The following PRSS23 variants were observed in gnomAD, a reference collection of about 807,000 sequenced individuals.
PRSS23 encodes the protein serine protease 23, also known as protease, serine 23.
PRSS23 carries 25 observed loss-of-function variants against 34.7 expected under a neutral mutation model. The observed-to-expected ratio is 0.72, with a 90% CI of 0.53 to 1.01. PRSS23 has a LOEUF of 1.01. Among genes scored for constraint, PRSS23 ranks in the 50% least tolerant of loss-of-function variants. The pLI is 0.00. For missense variants in PRSS23, 445 were observed against 475.6 expected (o/e 0.94, Z 0.60); for synonymous variants, 176 against 186.6 (o/e 0.94, Z 0.46).
chr11:86,823,397 A>G (rs1948268309), exon 2 of PRSS23: 1 of 702,246 alleles, frequency 1.4e-6, no homozygotes, highest in Non-Finnish European at 2.6e-6. Context: ...AATGAGTAGA[A>G]TGAGACCTGT....
At chr11:86,928,697 A>AT (rs59782177) in intron 2 of PRSS23, among the ~76,000 whole-genome samples, 690 of 47,272 alleles carry the variant, frequency 0.015, 83 homozygotes, top group East Asian at 0.08. Context: ...AAAAAAAAAA[A>AT]AAAAAAAAAT....
intron 2 of PRSS23, among the ~76,000 whole-genome samples, chr11:86,929,395 T>C (rs1483186176): frequency 2.0e-5 from 3 of 149,966 alleles, no homozygotes; most frequent in Admixed American, 6.6e-5. Context: ...ATAATCCTAG[T>C]ACTTTGGGAA....
chr11:86,913,404 T>G (rs1948991222), intron 2 of PRSS23, among the ~76,000 whole-genome samples: 1 of 151,066 alleles, frequency 6.6e-6, no homozygotes, highest in Non-Finnish European at 1.5e-5. Context: ...ATTGGTGTTT[T>G]TTTTTTTTTC....
intron 2 of PRSS23, among the ~76,000 whole-genome samples, chr11:86,831,721 A>G (rs1358658483): frequency 1.3e-5 from 2 of 151,706 alleles, no homozygotes; most frequent in Admixed American, 6.6e-5. Flanking sequence ...ATAATATCCT[A>G]AAGGTATGTT....
At chr11:86,930,899 C>T (rs746521354) in intron 2 of PRSS23, among the ~76,000 whole-genome samples, 1 of 152,036 alleles carries the variant, frequency 6.6e-6, no homozygotes, top group Admixed American at 6.6e-5. Flanking sequence ...CCAGTATGGC[C>T]AGAACACAGA....
At chr11:86,904,809 A>T (rs1433464958) in intron 2 of PRSS23, among the ~76,000 whole-genome samples, 13 of 151,848 alleles carry the variant, frequency 8.6e-5, no homozygotes, top group Admixed American at 8.5e-4. Context: ...GAATCTTGGG[A>T]GTCTGAGGCA....
chr11:86,907,660 G>A (rs11819799), intron 2 of PRSS23, among the ~76,000 whole-genome samples: 49,811 of 151,856 alleles, frequency 0.33, 8,762 homozygotes, highest in Non-Finnish European at 0.4. Context: ...GAGTCCCTCT[G>A]TGTTGCCCAG....
intron 2 of PRSS23, among the ~76,000 whole-genome samples, chr11:86,840,551 C>T (rs554264250): frequency 3.3e-5 from 5 of 152,272 alleles, no homozygotes; most frequent in African/African-American, 9.6e-5. Context: ...GACAGATCAA[C>T]AAGACAGAAG....
At chr11:86,793,245 A>G (rs920715802) in intron 1 of PRSS23, among the ~76,000 whole-genome samples, 1 of 152,258 alleles carries the variant, frequency 6.6e-6, no homozygotes, top group African/African-American at 2.4e-5. Flanking sequence ...AAATGGTAAT[A>G]TCCATATTTA....
At chr11:86,864,546 T>C (rs1427699816) in intron 2 of PRSS23, among the ~76,000 whole-genome samples, 1 of 152,234 alleles carries the variant, frequency 6.6e-6, no homozygotes, top group Non-Finnish European at 1.5e-5. Flanking sequence ...ATGGTGGCTC[T>C]TGCCCAGCAG....
At chr11:86,917,924 C>T (rs1443594630) in intron 2 of PRSS23, among the ~76,000 whole-genome samples, 2 of 152,206 alleles carry the variant, frequency 1.3e-5, no homozygotes, top group Non-Finnish European at 2.9e-5. Context: ...ACAAAAAATT[C>T]ACTGTGTAGT....
Position 86,808,726 on chromosome 11 carries a change from C to T in PRSS23, c.1083C>T (p.Ile361=). The T allele has an allele frequency of 1.2e-6, 2 of 1,614,168 alleles. No homozygotes were observed. The highest frequency in any genetic ancestry group is 1.7e-5 in the Admixed American group (1 of 60,024). The change falls in exon 2 of 2, where the codon ATC becomes ATT. Residue 361 remains isoleucine, a synonymous_variant. Coordinates refer to ENST00000280258, the MANE Select transcript of PRSS23 (RefSeq NM_007173.6). The part of the protein sequence containing the change: ...SPQDFNVAVR[I]TPLKYAQICY... ...AGGATTTCAACGTGGCTGTCAGAAT[C>T]ACTCCTCTCAAATATGCCCAGATTT... is the stretch of plus-strand genomic sequence containing the variant.
chr11:86,891,491 A>G (rs1005386122), intron 2 of PRSS23, among the ~76,000 whole-genome samples: 3 of 152,154 alleles, frequency 2.0e-5, no homozygotes, highest in African/African-American at 7.2e-5. Context: ...GAGCACAGCT[A>G]TCCTGGATTC....
Position 86,807,759 on chromosome 11 carries a change from T to C in PRSS23, c.116T>C (p.Val39Ala). 6.2e-7 allele frequency: 1 copy of C among 1,614,108 alleles called. No individual in the cohort carries two copies. Among genetic ancestry groups the C allele is most frequent in the Non-Finnish European group, 8.5e-7 (1 of 1,180,002 alleles). The change falls in exon 2 of 2, where the codon GTC becomes GCC. Residue 39 changes from valine (V) to alanine (A), a missense_variant. Transcript: ENST00000280258. ...KPTWPAYRLP[V>A]VLPQSTLNLA... Reference sequence around the variant, plus strand: ...ACTTGGCCTGCATACCGCCTCCCTGTCGTCTTGCCCCAGTCTACCCTCAAT... The same window carrying C: ...ACTTGGCCTGCATACCGCCTCCCTGCCGTCTTGCCCCAGTCTACCCTCAAT...
rs1228407810 is a variant in PRSS23, at chr11:86,855,755, C to T, written c.206+32162C>T. Reference sequence around the variant, plus strand: ...GCCTCAAGTGATCCGTCTGATCTGGCCTCCCAAAGTGCTGGGATAACAGAC... The same window carrying T: ...GCCTCAAGTGATCCGTCTGATCTGGTCTCCCAAAGTGCTGGGATAACAGAC... On this transcript the variant is annotated intron_variant, in intron 2 of 2. Transcript: ENST00000533902. 6.6e-5 allele frequency among the ~76,000 whole-genome samples: 10 copies of T among 152,344 alleles called. No individual in the cohort carries two copies. The East Asian group carries it at 1.7e-3, about 26-fold the overall frequency.
chr11:86,845,517 C>T (rs891780991), intron 2 of PRSS23, among the ~76,000 whole-genome samples: 4 of 152,182 alleles, frequency 2.6e-5, no homozygotes, highest in African/African-American at 4.8e-5. Flanking sequence ...GAAATCAACT[C>T]ATATGACAGT....
chr11:86,829,620 T>C (rs1341315052), intron 2 of PRSS23, among the ~76,000 whole-genome samples: 1 of 152,216 alleles, frequency 6.6e-6, no homozygotes, highest in Admixed American at 6.5e-5. Context: ...TTTGTGGTTT[T>C]ATCTACTTTT....
rs201412660 is a variant in PRSS23, at chr11:86,808,612, G to A, written c.969G>A (p.Arg323=). Reference sequence around the variant, plus strand: ...CCAGCGGGTCTGGGGTCTATGTGAGGATGTGGAAGAGACAGCAGCAGAAGT... The same window carrying A: ...CCAGCGGGTCTGGGGTCTATGTGAGAATGTGGAAGAGACAGCAGCAGAAGT... ...PGASGSGVYV[R]MWKRQQQKWE... Residue 323 remains arginine, a synonymous_variant, in exon 2 of 2, where the codon AGG becomes AGA. Transcript: ENST00000280258. 6.2e-7 allele frequency: 1 copy of A among 1,614,210 alleles called. No homozygotes were observed. The highest frequency in any genetic ancestry group is 8.5e-7 in the Non-Finnish European group (1 of 1,180,048).
intron 2 of PRSS23, among the ~76,000 whole-genome samples, chr11:86,855,020 C>G (rs1948558731): frequency 6.6e-6 from 1 of 152,150 alleles, no homozygotes; most frequent in African/African-American, 2.4e-5. Flanking sequence ...ACAAAATTAG[C>G]TGGGTGTGGT....
Sources: gnomAD v4.1 joint callset for allele counts (sites outside exome capture counted in the v4.1 genomes callset) on GRCh38, gnomAD v4.1.1 for gene constraint, MANE v1.5 for transcripts, NCBI Gene and HGNC (gene_info 2026-07-23, HGNC 2026-07-21) for gene names.